Variants in BCAS3 observed in about 807,000 individuals in gnomAD.
The protein encoded by BCAS3 is BCAS4/BCAS3 fusion.
In BCAS3, 53 loss-of-function variants were observed where a neutral mutation model predicts 116.1. That is an observed-to-expected ratio of 0.46 (90% confidence interval 0.37 to 0.57). The LOEUF (loss-of-function observed/expected upper bound fraction) is 0.57. Among genes scored for constraint, BCAS3 ranks in the 20% least tolerant of loss-of-function variants. BCAS3 has a pLI of 0.00. For synonymous variants in BCAS3, 391 were observed against 408.2 expected, an observed-to-expected ratio of 0.96 and a Z score of 0.51; for missense variants, 917 against 1,165.4, an observed-to-expected ratio of 0.79 and a Z score of 3.10.
chr17:60,902,793 T>C, intron 11 of BCAS3, 90 bp downstream of exon 11: 1 of 1,055,470 alleles, frequency 9.5e-7, no homozygotes. Context: ...TTGTAATGAT[T>C]GTAGTGCTTG....
At chr17:60,954,315 C>T (rs1009419961) in intron 14 of BCAS3, among the ~76,000 whole-genome samples, 1 of 151,962 alleles carries the variant, frequency 6.6e-6, no homozygotes, top group African/African-American at 2.4e-5. Context: ...CAGCTTTGTT[C>T]TTTTTGCTTA....
intron 13 of BCAS3, among the ~76,000 whole-genome samples, chr17:60,935,229 G>T (rs2059857447): frequency 6.6e-6 from 1 of 152,110 alleles, no homozygotes. Flanking sequence ...TATCTAGAAT[G>T]CTAAGAAAGT....
At chr17:60,874,624 T>A in intron 8 of BCAS3, 38 bp from the exon 9 acceptor site, 1 of 1,461,840 alleles carries the variant, frequency 6.8e-7, no homozygotes, top group East Asian at 2.3e-5. Context: ...TCACATTCAC[T>A]TTTTTTCTTT....
intron 6 of BCAS3, among the ~76,000 whole-genome samples, chr17:60,765,081 C>T (rs8066557): frequency 0.27 from 41,691 of 151,968 alleles, 11,427 homozygotes; most frequent in African/African-American, 0.71. Context: ...AGCCTATATG[C>T]GTCTCTGCAT....
Position 61,026,754 on chromosome 17 carries a change from T to G in BCAS3, c.1638-7912T>G. 1 of 1,006,158 alleles carries G rather than the reference T, an allele frequency of 9.9e-7. No individual in the cohort carries two copies. The highest frequency in any genetic ancestry group is 1.5e-5 in the South Asian group (1 of 66,994). 62.3% of individuals were successfully genotyped at this position (1,006,158 alleles called of 1,614,324 possible). ...CAGCAGAATTGTAAATGATTACTAA[T>G]TTTTTAGTTATTTTTATCCATACTC... is the stretch of plus-strand genomic sequence containing the variant. On this transcript the variant is annotated intron_variant, in intron 16 of 23. Transcript: ENST00000407086. This position sits in a 1 kb window ranked among gnomAD's most constrained non-coding sequence, Gnocchi z 5.0.
chr17:61,031,450 G>A (rs2066633689), intron 16 of BCAS3, among the ~76,000 whole-genome samples: 1 of 152,010 alleles, frequency 6.6e-6, no homozygotes, highest in South Asian at 2.1e-4. Context: ...AAAAACTTAG[G>A]ATGAAGGGCA....
In BCAS3 at chr17:61,368,314, G is replaced by C; in HGVS notation, c.2426-13G>C. 6.3e-7 allele frequency: 1 copy of C among 1,581,398 alleles called. No individual in the cohort carries two copies. The highest frequency in any genetic ancestry group is 1.3e-5 in the African/African-American group (1 of 74,552). On this transcript the variant is annotated splice_polypyrimidine_tract_variant and intron_variant, in intron 22 of 23. Coordinates refer to ENST00000407086, the MANE Select transcript of BCAS3 (RefSeq NM_017679.5). The surrounding 1 kb of genome is among the most constrained non-coding windows in gnomAD (Gnocchi z 6.0). ...GTGTGGACTCAACGTCAGATGTCCC[G>C]TGTGTGCCACAGGTACCTTTGACAG...
At chr17:61,150,395 T>C (rs1345590028) in intron 22 of BCAS3, among the ~76,000 whole-genome samples, 1 of 152,228 alleles carries the variant, frequency 6.6e-6, no homozygotes, top group Non-Finnish European at 1.5e-5. Flanking sequence ...TCATCATTTA[T>C]TGTGGTCATT....
chr17:60,889,701 A>G lies in BCAS3; in HGVS notation c.668A>G (p.Tyr223Cys), dbSNP rs759720810. The change falls in exon 10 of 24, where the codon TAT (tyrosine) becomes TGT (cysteine). Residue 223 changes from tyrosine to cysteine, a missense_variant. Tyr to Cys is a radical substitution (Grantham distance 194, BLOSUM62 -2). Around this residue, in one of 3 missense-constraint regions of BCAS3, gnomAD observed 807 missense variants for 1,026.0 expected, o/e 0.79. Transcript: ENST00000407086. The part of the protein sequence containing the change: ...FTKKFFVTSC[Y>C]PCPGPNMNPI... ...GCCATTTGAAATTTTTCAGGCTGCT[A>G]TCCATGTCCAGGGCCAAACATGAAT... 59 of 1,612,930 alleles carry G rather than the reference A, an allele frequency of 3.7e-5. No individual in the cohort carries two copies. The highest frequency in any genetic ancestry group is 4.9e-5 in the Non-Finnish European group (58 of 1,179,726).
In BCAS3 at chr17:60,851,850, A is replaced by G. The variant is rs553025909; in HGVS notation, c.477-16726A>G. 446 of 1,405,216 alleles carry G rather than the reference A, an allele frequency of 3.2e-4. 1 individual carries two copies. Among genetic ancestry groups the G allele is most frequent in the Non-Finnish European group, 4.0e-4 (415 of 1,034,602 alleles). The allele number at this position is 1,405,216 out of a possible 1,614,324, so 87.0% of individuals were successfully genotyped here. A position where few individuals can be genotyped will look rare whatever the true frequency, so the allele number is the denominator to read the frequency against. ...TAAATGCAAGTTTTTTAGTAGCTCT[A>G]GAAACATTTTTAAGAAGGGAATCTC... On this transcript the variant is annotated intron_variant, in intron 7 of 23. Coordinates refer to ENST00000407086, the MANE Select transcript of BCAS3 (RefSeq NM_017679.5).
In BCAS3 at chr17:61,067,271, GTGTATATATATA is replaced by G. The variant is rs1444948556; in HGVS notation, c.2030-7647_2030-7636del. 3.6e-4 allele frequency among the ~76,000 whole-genome samples: 20 copies of G among 55,110 alleles called. 1 individual carries two copies. The highest frequency in any genetic ancestry group is 1.3e-3 in the African/African-American group (18 of 13,390). 36.2% of individuals were successfully genotyped at this position (55,110 alleles called of 152,430 possible). A position where few individuals can be genotyped will look rare whatever the true frequency, so the allele number is the denominator to read the frequency against. ...TTCATAACTTTATTTATGTGTGTAT[GTGTATATATATA>G]TATATATATATATATATATATATAT... is the stretch of plus-strand genomic sequence containing the variant. On this transcript the variant is annotated intron_variant, in intron 19 of 23. Transcript: ENST00000407086.
chr17:61,265,746 G>C lies in BCAS3; in HGVS notation c.2426-102581G>C, dbSNP rs2049642532. ...TGCCAGGGTTTGTGTGTGTCATACT[G>C]TCCTGGACTCTGTATAGCAAAGATT... On this transcript the variant is annotated intron_variant, in intron 22 of 23. Transcript: ENST00000407086. The surrounding 1 kb of genome is among the most constrained non-coding windows in gnomAD (Gnocchi z 4.3). 6.6e-6 allele frequency among the ~76,000 whole-genome samples: 1 copy of C among 151,726 alleles called. No homozygotes were observed.
At chr17:60,980,792 T>C (rs1165863852) in intron 14 of BCAS3, among the ~76,000 whole-genome samples, 1 of 152,088 alleles carries the variant, frequency 6.6e-6, no homozygotes, top group African/African-American at 2.4e-5. Context: ...CAGCTCAGGC[T>C]CCCAAAGTGT....
intron 22 of BCAS3, among the ~76,000 whole-genome samples, chr17:61,093,927 G>C (rs750664711): frequency 8.5e-5 from 13 of 152,298 alleles, no homozygotes; most frequent in Admixed American, 3.9e-4. Context: ...GAACATACCA[G>C]TGGTTTTTCA....
intron 14 of BCAS3, among the ~76,000 whole-genome samples, chr17:60,988,821 T>C (rs1357993221): frequency 6.6e-6 from 1 of 152,028 alleles, no homozygotes; most frequent in Non-Finnish European, 1.5e-5. Context: ...ATTTTGTTTA[T>C]CTTTTTAAAA....
chr17:60,818,116 A>G (rs1329223172), intron 7 of BCAS3, among the ~76,000 whole-genome samples: 1 of 152,196 alleles, frequency 6.6e-6, no homozygotes, highest in East Asian at 1.9e-4. Flanking sequence ...TGGCCTCCCA[A>G]GGTGCTGGGA....
rs539916396 is a variant in BCAS3, at chr17:61,189,611, G to T, written c.2425+105047G>T. On this transcript the variant is annotated intron_variant, in intron 22 of 23. Transcript: ENST00000407086. This position sits in a 1 kb window ranked among gnomAD's most constrained non-coding sequence, Gnocchi z 4.5. Reference sequence around the variant, plus strand: ...ACCTAGGGCAGGGGTAAATGGAATCGAAAGGAGAAGAATGGAGAGGAATAG... The same window carrying T: ...ACCTAGGGCAGGGGTAAATGGAATCTAAAGGAGAAGAATGGAGAGGAATAG... Among the ~76,000 whole-genome samples the T allele has an allele frequency of 2.0e-5, 3 of 152,280 alleles. No homozygotes were observed. The East Asian group carries it at 5.8e-4, about 29-fold the overall frequency.
intron 19 of BCAS3, chr17:61,070,017 G>A (rs771510890): frequency 3.3e-5 from 53 of 1,595,326 alleles, no homozygotes; most frequent in South Asian, 3.0e-4. Flanking sequence ...TCCGGCAGCC[G>A]AAGACACTGC....
chr17:61,249,056 C>T lies in BCAS3; in HGVS notation c.2426-119271C>T, dbSNP rs1207017603. ...ATCCCAGAACTTTGGGAGGCCGAGG[C>T]AGGTAGATCCCCTGAGGTGAGGAGT... On this transcript the variant is annotated intron_variant, in intron 22 of 23. Coordinates refer to ENST00000407086, the MANE Select transcript of BCAS3 (RefSeq NM_017679.5). The surrounding 1 kb of genome is among the most constrained non-coding windows in gnomAD (Gnocchi z 6.2). Among the ~76,000 whole-genome samples, 3 of 152,110 alleles carry T rather than the reference C, an allele frequency of 2.0e-5. No homozygotes were observed. Among genetic ancestry groups the T allele is most frequent in the East Asian group, 3.9e-4 (2 of 5,186 alleles).
Sources: allele counts gnomAD v4.1 joint callset (sites outside exome capture counted in the v4.1 genomes callset), GRCh38; gene constraint gnomAD v4.1.1; regional missense constraint gnomAD v4.1.1; non-coding constraint Gnocchi (gnomAD v3.1); transcripts MANE v1.5; gene names NCBI Gene and HGNC (gene_info 2026-07-23, HGNC 2026-07-21).